Variants in SETDB2 observed in about 807,000 individuals in gnomAD.
SETDB2 encodes the protein histone-lysine N-methyltransferase SETDB2.
Under a neutral mutation model 82.5 loss-of-function variants are expected in SETDB2, and 56 were observed. That is an observed-to-expected ratio of 0.68 (90% CI 0.55 to 0.85). The LOEUF (loss-of-function observed/expected upper bound fraction) is 0.85, where lower values mean the gene tolerates loss of function less well. SETDB2 is among the 40% of genes least tolerant of loss of function. The pLI is 0.00. For missense variants in SETDB2, 677 were observed against 816.4 expected, an observed-to-expected ratio of 0.83 and a Z score of 2.08; for synonymous variants, 272 against 284.9, an observed-to-expected ratio of 0.95 and a Z score of 0.46.
intron 5 of SETDB2, among the ~76,000 whole-genome samples, chr13:49,470,432 A>T (rs900365815): frequency 3.3e-5 from 5 of 152,196 alleles, no homozygotes; most frequent in East Asian, 1.9e-4. Flanking sequence ...GCAGGCCAGA[A>T]GTTTATTTGC....
chr13:49,467,852 T>C lies in SETDB2; in HGVS notation c.209-12T>C. ...TTGGTATATTTGTTGCTCACATTATTTTTTTGTGTAGATCCTATGCCTGTG... is the reference window on the plus strand; with the variant it reads ...TTGGTATATTTGTTGCTCACATTATCTTTTTGTGTAGATCCTATGCCTGTG... On this transcript the variant is annotated splice_polypyrimidine_tract_variant and intron_variant, in intron 4 of 13. Transcript: ENST00000611815. The C allele has an allele frequency of 6.3e-7, 1 of 1,591,084 alleles. No homozygotes were observed. Among genetic ancestry groups the C allele is most frequent in the Non-Finnish European group, 8.6e-7 (1 of 1,169,488 alleles).
At position 49,461,078 on chromosome 13, in the gene SETDB2, G is replaced by A. The variant is rs758459515; in HGVS notation, c.143-19G>A. 23 of 1,597,802 alleles carry A rather than the reference G, an allele frequency of 1.4e-5. No individual in the cohort carries two copies. The highest frequency in any genetic ancestry group is 2.0e-5 in the Non-Finnish European group (23 of 1,168,468). On this transcript the variant is annotated intron_variant, in intron 3 of 13. Coordinates refer to ENST00000611815, the MANE Select transcript of SETDB2 (RefSeq NM_001160308.3). ...CATAAATAAAGGTAATGGTGATGCT[G>A]TTTTTCTGTCTTTAACAGAATACAT... is the stretch of plus-strand genomic sequence containing the variant.
At position 49,493,636 on chromosome 13, in the gene SETDB2, T is replaced by C. The variant is rs541809164; in HGVS notation, c.*1787T>C. 9 of 152,342 alleles carry C rather than the reference T, an allele frequency of 5.9e-5. No homozygotes were observed. Among genetic ancestry groups the C allele is most frequent in the African/African-American group, 1.9e-4 (8 of 41,580 alleles). 9.4% of individuals were successfully genotyped at this position (152,342 alleles called of 1,614,324 possible). On this transcript the variant is annotated 3_prime_UTR_variant, in exon 14 of 14. Transcript: ENST00000611815. ...GAAAGGAAAAATGAAAAGTAAATGT[T>C]TTGAATCTCTGTGTGTTTGACAATG...
chr13:49,488,330 TCTG>T lies in SETDB2; in HGVS notation c.1621_1623del (p.Leu541del), dbSNP rs780423089. 6.2e-7 allele frequency: 1 copy of T among 1,600,544 alleles called. No individual in the cohort carries two copies. Among genetic ancestry groups the T allele is most frequent in the Non-Finnish European group, 8.5e-7 (1 of 1,176,734 alleles). ...ACCATGTTGATGAGTTTGAAGATAA[TCTG>T]CTGATTGAATCAGATGTGATAGATA... On this transcript the variant is annotated inframe_deletion, in exon 12 of 14. Coordinates refer to ENST00000611815, the MANE Select transcript of SETDB2 (RefSeq NM_001160308.3).
At chr13:49,470,178 G>T (rs1049856454) in intron 5 of SETDB2, among the ~76,000 whole-genome samples, 1 of 152,114 alleles carries the variant, frequency 6.6e-6, no homozygotes, top group Admixed American at 6.5e-5. Flanking sequence ...CTTTAGGACT[G>T]TTTATGATTA....
intron 6 of SETDB2, among the ~76,000 whole-genome samples, 167 bp from the exon 7 acceptor site, chr13:49,480,052 G>A (rs931197530): frequency 6.6e-6 from 1 of 152,172 alleles, no homozygotes; most frequent in Admixed American, 6.5e-5. Context: ...GGGAGGTATT[G>A]TCTTTCAAAG....
At chr13:49,445,907 T>C in intron 1 of SETDB2, 1 of 137,202 alleles carries the variant, frequency 7.3e-6, no homozygotes, top group Non-Finnish European at 1.4e-5. Context: ...CCCTTCTCAC[T>C]GCACTGGTGA....
intron 2 of SETDB2, among the ~76,000 whole-genome samples, chr13:49,456,643 G>T (rs781118254): frequency 6.6e-6 from 1 of 152,130 alleles, no homozygotes; most frequent in Non-Finnish European, 1.5e-5. Flanking sequence ...ATAATGCTGA[G>T]CATGCATACA....
At chr13:49,483,230 T>A (rs1426680031) in intron 9 of SETDB2, among the ~76,000 whole-genome samples, 1 of 152,232 alleles carries the variant, frequency 6.6e-6, no homozygotes, top group Non-Finnish European at 1.5e-5. Context: ...TAAAATTTTC[T>A]ATCATTTTAT....
intron 12 of SETDB2, among the ~76,000 whole-genome samples, chr13:49,489,596 CTTTTTTTTTT>C (rs58715452): frequency 6.1e-4 from 61 of 100,564 alleles, no homozygotes; most frequent in Non-Finnish European, 1.0e-3. Flanking sequence ...CATATTTATT[CTTTTTTTTTT>C]TTTTTTTTTG....
intron 2 of SETDB2, among the ~76,000 whole-genome samples, chr13:49,459,514 A>G (rs1479252838): frequency 2.6e-5 from 4 of 152,140 alleles, no homozygotes; most frequent in African/African-American, 9.7e-5. Context: ...TTAGCTTTTG[A>G]CAACTTATAA....
chr13:49,467,871 GCC>G lies in SETDB2; in HGVS notation c.217_218del (p.Pro73CysfsTer19). The stretch of plus-strand genomic sequence containing the variant: ...CATTATTTTTTTGTGTAGATCCTAT[GCC>G]TGTGACTCAGAAGGAACAGGAAAAC... ...NSSTSIKDPM[P>X]VTQKEQENKS... On this transcript the variant is annotated frameshift_variant, in exon 5 of 14. Coordinates refer to ENST00000611815, the MANE Select transcript of SETDB2 (RefSeq NM_001160308.3). LOFTEE classifies it high-confidence loss of function. 6.4e-7 allele frequency: 1 copy of G among 1,569,604 alleles called. No individual in the cohort carries two copies. The highest frequency in any genetic ancestry group is 1.8e-5 in the Admixed American group (1 of 56,092).
intron 4 of SETDB2, among the ~76,000 whole-genome samples, chr13:49,467,056 T>G (rs1215531405): frequency 2.0e-5 from 3 of 152,148 alleles, no homozygotes; most frequent in Admixed American, 1.3e-4. Flanking sequence ...ATCCTTTTAT[T>G]AAACTTCTTT....
chr13:49,448,164 G>T (rs1307998490), intron 1 of SETDB2, among the ~76,000 whole-genome samples: 1 of 152,142 alleles, frequency 6.6e-6, no homozygotes, highest in Admixed American at 6.5e-5. Context: ...GAGGGGTGGG[G>T]ATGTGTGGCA....
At position 49,481,119 on chromosome 13, in the gene SETDB2, A is replaced by G. The variant is rs1400651491; in HGVS notation, c.1156+3A>G. ...GACATTTGTTTGCATTTATTCAGGT[A>G]AAGCAAAAGTTTATTTTCAAATTAT... is the stretch of plus-strand genomic sequence containing the variant. On this transcript the variant is annotated splice_donor_region_variant and intron_variant, in intron 8 of 13. Coordinates refer to ENST00000611815, the MANE Select transcript of SETDB2 (RefSeq NM_001160308.3). The G allele has an allele frequency of 6.2e-7, 1 of 1,606,558 alleles. No homozygotes were observed. Among genetic ancestry groups the G allele is most frequent in the Non-Finnish European group, 8.5e-7 (1 of 1,176,696 alleles).
intron 6 of SETDB2, 81 bp from the exon 7 acceptor site, chr13:49,480,138 C>A (rs926718119): frequency 3.0e-5 from 26 of 857,236 alleles, no homozygotes; most frequent in Non-Finnish European, 4.8e-5. Context: ...TTTATTACAT[C>A]ATTTACACAT....
chr13:49,462,397 T>C (rs1958014162), intron 4 of SETDB2, among the ~76,000 whole-genome samples: 1 of 152,178 alleles, frequency 6.6e-6, no homozygotes, highest in African/African-American at 2.4e-5. Flanking sequence ...TCCAAGGGTC[T>C]CAGAAGTTCT....
intron 4 of SETDB2, 62 bp downstream of exon 4, chr13:49,461,224 A>G (rs1390609185): frequency 1.8e-6 from 2 of 1,111,924 alleles, no homozygotes; most frequent in Admixed American, 4.2e-5. Flanking sequence ...ATGAAGCAGG[A>G]TAGCTTTAAT....
intron 2 of SETDB2, among the ~76,000 whole-genome samples, chr13:49,458,240 C>T (rs1594136836): frequency 6.6e-6 from 1 of 152,154 alleles, no homozygotes; most frequent in Non-Finnish European, 1.5e-5. Flanking sequence ...TGTACCACCT[C>T]GCCTGGCTGA....
Sources: allele counts gnomAD v4.1 joint callset (sites outside exome capture counted in the v4.1 genomes callset), GRCh38; gene constraint gnomAD v4.1.1; transcripts MANE v1.5; gene names NCBI Gene and HGNC (gene_info 2026-07-23, HGNC 2026-07-21).